The following PLA1A variants were observed in gnomAD, a reference collection of about 807,000 sequenced individuals.
PLA1A encodes phosphatidylserine-specific phospholipase A1alpha.
In PLA1A, 47 loss-of-function variants were observed where a neutral mutation model predicts 49.4. The observed-to-expected ratio is 0.95, with a 90% CI of 0.75 to 1.21. The LOEUF (loss-of-function observed/expected upper bound fraction) is 1.21, where lower values mean the gene tolerates loss of function less well. Among genes scored for constraint, PLA1A ranks in the 50% most tolerant of loss-of-function variants. PLA1A has a pLI of 0.00. For missense variants in PLA1A, 561 were observed against 563.9 expected (o/e 0.99, Z 0.05); for synonymous variants, 224 against 207.9 (o/e 1.08, Z -0.67).
chr3:119,629,524 G>C lies in PLA1A; in HGVS notation c.*56G>C. 2.3e-6 allele frequency: 2 copies of C among 864,610 alleles called. No homozygotes were observed. The highest frequency in any genetic ancestry group is 4.0e-6 in the Non-Finnish European group (2 of 505,720). The allele number at this position is 864,610 out of a possible 1,614,324, so 53.6% of individuals were successfully genotyped here. On this transcript the variant is annotated 3_prime_UTR_variant, in exon 11 of 11. Transcript: ENST00000273371. ...TTTTTTTTTTTTTTTTGAGAGAGAGGTGTGATGAGGGATGTGTGTGTGCAG... is the reference window on the plus strand; with the variant it reads ...TTTTTTTTTTTTTTTTGAGAGAGAGCTGTGATGAGGGATGTGTGTGTGCAG...
chr3:119,622,530 C>A (rs1398095730), intron 8 of PLA1A, among the ~76,000 whole-genome samples: 1 of 152,180 alleles, frequency 6.6e-6, no homozygotes. Flanking sequence ...TTTTGGTGAG[C>A]CCTGTTCCTA....
At position 119,608,757 on chromosome 3, in the gene PLA1A, GCC is replaced by G. The variant is rs5852212; in HGVS notation, c.276-9_276-8del. The G allele has an allele frequency of 7.5e-6, 12 of 1,598,430 alleles. No individual in the cohort carries two copies. The highest frequency in any genetic ancestry group is 9.4e-6 in the Non-Finnish European group (11 of 1,169,818). On this transcript the variant is annotated splice_polypyrimidine_tract_variant and intron_variant, in intron 2 of 10. Transcript: ENST00000273371. ...CAGGTAATTTTTCCATTCTTTTTTG[GCC>G]CCCTGTCTAGGGTTTTAGGAACAAA...
At chr3:119,619,693 A>G in intron 8 of PLA1A, 41 bp downstream of exon 8, 1 of 1,349,764 alleles carries the variant, frequency 7.4e-7, no homozygotes, top group South Asian at 1.2e-5. Context: ...CTGCCAGGGC[A>G]CCACCAGAGG....
intron 9 of PLA1A, among the ~76,000 whole-genome samples, chr3:119,625,666 C>T (rs1165111611): frequency 6.6e-6 from 1 of 152,184 alleles, no homozygotes; most frequent in Non-Finnish European, 1.5e-5. Context: ...GGTCAGTTAC[C>T]AGAATGGAAT....
intron 8 of PLA1A, among the ~76,000 whole-genome samples, chr3:119,622,199 AAGAAGAAGAAGG>A (rs1417763282): frequency 0.047 from 1,897 of 40,142 alleles, 49 homozygotes; most frequent in African/African-American, 0.12. Context: ...GAAGAAGAAG[AAGAAGAAGAAGG>A]AGACAGAATC....
At chr3:119,612,371 G>A (rs187383371) in intron 4 of PLA1A, among the ~76,000 whole-genome samples, 6 of 152,280 alleles carry the variant, frequency 3.9e-5, no homozygotes, top group East Asian at 1.9e-4. Context: ...AAAACTGCCC[G>A]GCATAAGGCC....
At chr3:119,620,903 G>A (rs1288901757) in intron 8 of PLA1A, among the ~76,000 whole-genome samples, 2 of 152,206 alleles carry the variant, frequency 1.3e-5, no homozygotes, top group Non-Finnish European at 2.9e-5. Flanking sequence ...ACAGCTGGAT[G>A]AAAAGGTCAG....
intron 9 of PLA1A, among the ~76,000 whole-genome samples, chr3:119,628,247 C>A (rs895034236): frequency 6.6e-6 from 1 of 152,234 alleles, no homozygotes; most frequent in Non-Finnish European, 1.5e-5. Context: ...ACTCTGTCTG[C>A]GCTTCATGAT....
chr3:119,628,587 C>T, intron 9 of PLA1A, 114 bp from the exon 10 acceptor site: 6 of 864,926 alleles, frequency 6.9e-6, no homozygotes, highest in Admixed American at 2.2e-5. Flanking sequence ...GGAGCTAACC[C>T]CTTGGTGCAT....
chr3:119,613,285 G>A (rs2082795257), intron 5 of PLA1A, among the ~76,000 whole-genome samples, 167 bp downstream of exon 5: 1 of 152,254 alleles, frequency 6.6e-6, no homozygotes, highest in South Asian at 2.1e-4. Context: ...TTCCAGCTCT[G>A]TCTCTGACCA....
intron 1 of PLA1A, among the ~76,000 whole-genome samples, chr3:119,599,564 C>G (rs920950784): frequency 6.6e-6 from 1 of 152,156 alleles, no homozygotes; most frequent in Non-Finnish European, 1.5e-5. Flanking sequence ...GCTCATCTGT[C>G]GGTAAGCCTG....
At chr3:119,617,238 C>T (rs533692089) in intron 6 of PLA1A, among the ~76,000 whole-genome samples, 46 of 152,312 alleles carry the variant, frequency 3.0e-4, no homozygotes, top group African/African-American at 1.0e-3. Flanking sequence ...CGGTGAGCCT[C>T]AGCACATTGG....
rs1553795319 is a variant in PLA1A, at chr3:119,629,498, A to ACTT, written c.*30_*31insCTT. 1.3e-6 allele frequency: 1 copy of ACTT among 742,960 alleles called. No homozygotes were observed. The highest frequency in any genetic ancestry group is 2.6e-5 in the Admixed American group (1 of 37,858). The allele number at this position is 742,960 out of a possible 1,614,324, so 46.0% of individuals were successfully genotyped here. A position where few individuals can be genotyped will look rare whatever the true frequency, so the allele number is the denominator to read the frequency against. On this transcript the variant is annotated 3_prime_UTR_variant, in exon 11 of 11. Coordinates refer to ENST00000273371, the MANE Select transcript of PLA1A (RefSeq NM_015900.4). ...ACCTGGGCAGGACACATCTCCCTGC[A>ACTT]TTTTTTTTTTTTTTTTGAGAGAGAG... is the stretch of plus-strand genomic sequence containing the variant.
chr3:119,629,495 T>A lies in PLA1A; in HGVS notation c.*27T>A. ...TTAACCTGGGCAGGACACATCTCCC[T>A]GCATTTTTTTTTTTTTTTTGAGAGA... On this transcript the variant is annotated 3_prime_UTR_variant, in exon 11 of 11. Coordinates refer to ENST00000273371, the MANE Select transcript of PLA1A (RefSeq NM_015900.4). 2 of 1,183,234 alleles carry A rather than the reference T, an allele frequency of 1.7e-6. No individual in the cohort carries two copies. The highest frequency in any genetic ancestry group is 2.4e-6 in the Non-Finnish European group (2 of 823,124). 73.3% of individuals were successfully genotyped at this position (1,183,234 alleles called of 1,614,324 possible).
At chr3:119,621,383 G>T (rs1245209400) in intron 8 of PLA1A, among the ~76,000 whole-genome samples, 2 of 152,214 alleles carry the variant, frequency 1.3e-5, no homozygotes, top group Non-Finnish European at 2.9e-5. Context: ...GCCTTGAGCT[G>T]TCACTTCTAG....
Position 119,625,345 on chromosome 3 carries a change from C to A in PLA1A, c.1121+113C>A. ...CTGTGTGATTGCTGATGCATGGGCC[C>A]AGCCGGCTTGGCTGGGGGCAGCACC... On this transcript the variant is annotated intron_variant, in intron 9 of 10. Transcript: ENST00000273371. 4.3e-6 allele frequency: 3 copies of A among 693,340 alleles called. No individual in the cohort carries two copies. In the East Asian group the frequency reaches 8.4e-5, roughly 19 times the overall value. The allele number at this position is 693,340 out of a possible 1,614,324, so 42.9% of individuals were successfully genotyped here.
intron 6 of PLA1A, among the ~76,000 whole-genome samples, chr3:119,617,208 G>A (rs2082859658): frequency 6.6e-6 from 1 of 152,124 alleles, no homozygotes; most frequent in South Asian, 2.1e-4. Context: ...TGACAAATTC[G>A]GCATATCAGT....
rs879382116 is a variant in PLA1A at position 119,622,211 on chromosome 3, G to GAAGAAGAAGAAGA, written c.1012+2560_1012+2561insAGAAGAAGAAGAA. Among the ~76,000 whole-genome samples the GAAGAAGAAGAAGA allele has an allele frequency of 2.5e-3, 95 of 38,188 alleles. 2 individuals are homozygous for GAAGAAGAAGAAGA. Among genetic ancestry groups the GAAGAAGAAGAAGA allele is most frequent in the Middle Eastern group, 0.015 (1 of 66 alleles). 25.1% of individuals were successfully genotyped at this position (38,188 alleles called of 152,430 possible). A position where few individuals can be genotyped will look rare whatever the true frequency, so the allele number is the denominator to read the frequency against. Reference sequence around the variant, plus strand: ...GAAGAAGAAGAAGAAGAAGAAGAAGGAGACAGAATCTTAGAAAACTTTCTT... The same window carrying GAAGAAGAAGAAGA: ...GAAGAAGAAGAAGAAGAAGAAGAAGGAAGAAGAAGAAGAAGACAGAATCTTAGAAAACTTTCTT... On this transcript the variant is annotated intron_variant, in intron 8 of 10. Coordinates refer to ENST00000273371, the MANE Select transcript of PLA1A (RefSeq NM_015900.4).
At chr3:119,612,121 A>G (rs2082771664) in intron 4 of PLA1A, among the ~76,000 whole-genome samples, 1 of 152,202 alleles carries the variant, frequency 6.6e-6, no homozygotes. Flanking sequence ...CAGAATCTCA[A>G]AGAGGTGCCC....
Sources: allele counts gnomAD v4.1 joint callset (sites outside exome capture counted in the v4.1 genomes callset), GRCh38; gene constraint gnomAD v4.1.1; transcripts MANE v1.5; gene names NCBI Gene and HGNC (gene_info 2026-07-23, HGNC 2026-07-21).